MAMDC2: variants seen among roughly 807,000 people sequenced by gnomAD.
MAMDC2 encodes MAM domain-containing protein 2.
In MAMDC2, 57 loss-of-function variants were observed where a neutral mutation model predicts 89.8. The ratio of observed to expected loss-of-function variants is 0.63; its 90% CI spans 0.51 to 0.79. The LOEUF (loss-of-function observed/expected upper bound fraction) is 0.79. MAMDC2 is among the 30% of genes least tolerant of loss of function. MAMDC2 has a pLI of 0.00. For synonymous variants in MAMDC2, 313 were observed against 293.4 expected (o/e 1.07, Z -0.68); for missense variants, 800 against 820.6 (o/e 0.97, Z 0.31).
chr9:70,223,958 A>G (rs1003652035), intron 12 of MAMDC2, among the ~76,000 whole-genome samples: 51 of 152,326 alleles, frequency 3.3e-4, no homozygotes, highest in African/African-American at 1.2e-3. Flanking sequence ...AGAAAGTTGT[A>G]TAAAATCAAG....
chr9:70,096,746 T>A (rs1289222907), intron 2 of MAMDC2, among the ~76,000 whole-genome samples: 2 of 151,606 alleles, frequency 1.3e-5, no homozygotes, highest in Non-Finnish European at 2.9e-5. Flanking sequence ...AATGAAATAC[T>A]AACAAGTAAG....
At chr9:70,050,143 A>C (rs757875853) in intron 2 of MAMDC2, among the ~76,000 whole-genome samples, 1 of 152,234 alleles carries the variant, frequency 6.6e-6, no homozygotes, top group African/African-American at 2.4e-5. Context: ...ACAAAGCCAC[A>C]AAACACTACA....
chr9:70,091,099 T>A (rs1442808808), intron 2 of MAMDC2, among the ~76,000 whole-genome samples: 3 of 152,194 alleles, frequency 2.0e-5, no homozygotes, highest in Non-Finnish European at 4.4e-5. Flanking sequence ...ATAAAGTATC[T>A]CTGGAAGGGT....
chr9:70,206,872 A>G (rs2033236644), intron 11 of MAMDC2, among the ~76,000 whole-genome samples: 3 of 152,152 alleles, frequency 2.0e-5, no homozygotes, highest in Admixed American at 6.5e-5. Context: ...GAGTGAGAAC[A>G]TGCAGTGTTT....
Position 70,068,725 on chromosome 9 carries a change from C to CAAAAAAA in MAMDC2, c.148+24041_148+24047dup, listed in dbSNP as rs34946038. On this transcript the variant is annotated intron_variant, in intron 2 of 13. Coordinates refer to ENST00000377182, the MANE Select transcript of MAMDC2 (RefSeq NM_153267.5). ...TGACAGAGTGAGACTCCCTCCATCA[C>CAAAAAAA]AAAAAAAAAAAAAAAAAAAGGCAAT... 4.0e-5 allele frequency among the ~76,000 whole-genome samples: 4 copies of CAAAAAAA among 99,742 alleles called. 2 individuals are homozygous for CAAAAAAA. Among genetic ancestry groups the CAAAAAAA allele is most frequent in the African/African-American group, 7.8e-5 (2 of 25,664 alleles). 65.4% of individuals were successfully genotyped at this position (99,742 alleles called of 152,430 possible). A position where few individuals can be genotyped will look rare whatever the true frequency, so the allele number is the denominator to read the frequency against.
chr9:70,068,401 G>A (rs182495375), intron 2 of MAMDC2, among the ~76,000 whole-genome samples: 126 of 152,048 alleles, frequency 8.3e-4, no homozygotes, highest in African/African-American at 2.8e-3. Flanking sequence ...GTGGAGGCAG[G>A]GACCTTTTCT....
intron 2 of MAMDC2, among the ~76,000 whole-genome samples, chr9:70,057,037 T>A (rs1827039775): frequency 6.6e-6 from 1 of 152,184 alleles, no homozygotes; most frequent in Non-Finnish European, 1.5e-5. Context: ...CATTACATTA[T>A]GTATTGCAAT....
At chr9:70,120,861 G>A (rs2030252511) in intron 5 of MAMDC2, among the ~76,000 whole-genome samples, 1 of 152,208 alleles carries the variant, frequency 6.6e-6, no homozygotes, top group East Asian at 1.9e-4. Context: ...GAAGATAACT[G>A]TCAGACTCAT....
intron 12 of MAMDC2, among the ~76,000 whole-genome samples, chr9:70,220,594 C>A (rs983892144): frequency 2.6e-5 from 4 of 152,190 alleles, no homozygotes; most frequent in Admixed American, 1.3e-4. Flanking sequence ...AAGAGCTGTA[C>A]GTAAGTTCTT....
rs1406676759 is a variant in MAMDC2 at position 70,084,553 on chromosome 9, C to A, written c.149-23658C>A. Among the ~76,000 whole-genome samples, 3 of 152,062 alleles carry A rather than the reference C, an allele frequency of 2.0e-5. No homozygotes were observed. In the East Asian group the frequency reaches 5.8e-4, roughly 29 times the overall value. The stretch of plus-strand genomic sequence containing the variant: ...TTTTCTCACCTCACCCCCTGCCTAA[C>A]CTTTACTCCACTAACAATGTCTTTA... On this transcript the variant is annotated intron_variant, in intron 2 of 13. Transcript: ENST00000377182.
intron 11 of MAMDC2, among the ~76,000 whole-genome samples, chr9:70,199,954 T>C (rs1038638976): frequency 1.3e-5 from 2 of 152,214 alleles, no homozygotes; most frequent in African/African-American, 4.8e-5. Flanking sequence ...GATATTAGCC[T>C]TTTGTCAGAT....
At chr9:70,151,038 TAG>T (rs1168288572) in intron 9 of MAMDC2, among the ~76,000 whole-genome samples, 3 of 152,224 alleles carry the variant, frequency 2.0e-5, no homozygotes, top group South Asian at 2.1e-4. Context: ...GCCACATTCA[TAG>T]AGTCCCACAG....
At position 70,204,192 on chromosome 9, in the gene MAMDC2, T is replaced by C. The variant is rs1366296056; in HGVS notation, c.1652-14145T>C. On this transcript the variant is annotated intron_variant, in intron 11 of 13. Coordinates refer to ENST00000377182, the MANE Select transcript of MAMDC2 (RefSeq NM_153267.5). Reference sequence around the variant, plus strand: ...TTTTCCCCATCTTTGTGGTTTTATCTACTTTTGGTCTTTGATGATGGTGAT... The same window carrying C: ...TTTTCCCCATCTTTGTGGTTTTATCCACTTTTGGTCTTTGATGATGGTGAT... Among the ~76,000 whole-genome samples, 6 of 149,248 alleles carry C rather than the reference T, an allele frequency of 4.0e-5. No homozygotes were observed. In the East Asian group the frequency reaches 1.2e-3, roughly 30 times the overall value.
At chr9:70,135,710 G>T (rs1009502518) in intron 7 of MAMDC2, among the ~76,000 whole-genome samples, 1 of 152,100 alleles carries the variant, frequency 6.6e-6, no homozygotes, top group Non-Finnish European at 1.5e-5. Flanking sequence ...CATAGTCCCT[G>T]TGCCTTCATA....
chr9:70,053,850 C>T (rs1826967717), intron 2 of MAMDC2, among the ~76,000 whole-genome samples: 2 of 152,092 alleles, frequency 1.3e-5, no homozygotes, highest in Non-Finnish European at 1.5e-5. Context: ...AGGAGGCTAC[C>T]CATGTATCTA....
intron 11 of MAMDC2, among the ~76,000 whole-genome samples, chr9:70,177,367 G>C (rs2032531147): frequency 6.6e-6 from 1 of 152,120 alleles, no homozygotes. Context: ...TTTGTGTTCT[G>C]CTTGGGACAG....
rs143384515 is a variant in MAMDC2, at chr9:70,126,385, G to A, written c.870G>A (p.Glu290=). 5 of 1,613,810 alleles carry A rather than the reference G, an allele frequency of 3.1e-6. No individual in the cohort carries two copies. The highest frequency in any genetic ancestry group is 2.7e-5 in the African/African-American group (2 of 74,922). The change falls in exon 6 of 14, where the codon GAG becomes GAA. Residue 290 remains glutamate (E), a synonymous_variant. Transcript: ENST00000377182. ...RPGNAAWNLA[E]VEFSAPYPME... is the part of the protein sequence containing the mutation. ...GGAATGCTGCCTGGAACCTTGCGGA[G>A]GTCGAGTTCAGTGCTCCTTACCCCA...
At chr9:70,064,047 T>C (rs1827208540) in intron 2 of MAMDC2, among the ~76,000 whole-genome samples, 1 of 152,112 alleles carries the variant, frequency 6.6e-6, no homozygotes, top group Non-Finnish European at 1.5e-5. Flanking sequence ...AAAAGAAGTG[T>C]ATGAAGAATA....
rs920381053 is a variant in MAMDC2, at chr9:70,079,078, T to C, written c.149-29133T>C. 2.6e-5 allele frequency among the ~76,000 whole-genome samples: 4 copies of C among 152,182 alleles called. No homozygotes were observed. The East Asian group carries it at 7.7e-4, about 29-fold the overall frequency. The stretch of plus-strand genomic sequence containing the variant: ...AGGGAGCCATCTTCTGGAATTTGTC[T>C]TCACTCCAGCCTCCCCCTAGCTAGT... On this transcript the variant is annotated intron_variant, in intron 2 of 13. Coordinates refer to ENST00000377182, the MANE Select transcript of MAMDC2 (RefSeq NM_153267.5).
Sources: gnomAD v4.1 joint callset for allele counts (sites outside exome capture counted in the v4.1 genomes callset) on GRCh38, gnomAD v4.1.1 for gene constraint, MANE v1.5 for transcripts, NCBI Gene and HGNC (gene_info 2026-07-23, HGNC 2026-07-21) for gene names.